The following RNF150 variants were observed in gnomAD, a reference collection of about 807,000 sequenced individuals.
The protein encoded by RNF150 is ring finger protein 150.
In RNF150, 24 loss-of-function variants were observed where a neutral mutation model predicts 39.3. That is an observed-to-expected ratio of 0.61 (90% CI 0.44 to 0.86). The LOEUF (loss-of-function observed/expected upper bound fraction) is 0.86, where lower values mean the gene tolerates loss of function less well. RNF150 is among the 40% of genes least tolerant of loss of function. RNF150 has a pLI of 0.00. For missense variants in RNF150, 502 were observed against 587.8 expected, an observed-to-expected ratio of 0.85 and a Z score of 1.51; for synonymous variants, 255 against 227.3, an observed-to-expected ratio of 1.12 and a Z score of -1.10.
intron 6 of RNF150, among the ~76,000 whole-genome samples, chr4:140,904,704 C>T (rs1376849750): frequency 6.0e-4 from 91 of 152,306 alleles, no homozygotes; most frequent in Non-Finnish European, 5.9e-5. Context: ...GAAGTTTATG[C>T]CAACCCTCCC....
In RNF150 at chr4:140,947,670, G is replaced by A. The variant is rs1732373578; in HGVS notation, c.874C>T (p.Arg292Trp). 1.9e-6 allele frequency: 3 copies of A among 1,610,600 alleles called. No homozygotes were observed. Among genetic ancestry groups the A allele is most frequent in the Non-Finnish European group, 2.5e-6 (3 of 1,178,458 alleles). The change falls in exon 4 of 7, where the codon CGG (arginine) becomes TGG (tryptophan). Residue 292 changes from arginine (R) to tryptophan (W), a missense_variant. Transcript: ENST00000515673. ...IEGYKPNDVV[R>W]ILPCRHLFHK... ...GTGACTCACCGGCAGGGCAGGATCC[G>A]GACAACGTCATTGGGCTTGTACCCT...
At position 141,032,129 on chromosome 4, in the gene RNF150, A is replaced by G. The variant is rs1001974399; in HGVS notation, c.485-64256T>C. On this transcript the variant is annotated intron_variant, in intron 1 of 6. Coordinates refer to ENST00000515673, the MANE Select transcript of RNF150 (RefSeq NM_020724.2). ...CCTTAAAAAAGAAGGAAATTGTGTC[A>G]TTTGTGACAACATACATGAACCTGG... Among the ~76,000 whole-genome samples, 18 of 152,218 alleles carry G rather than the reference A, an allele frequency of 1.2e-4. 1 individual carries two copies. Among genetic ancestry groups the G allele is most frequent in the African/African-American group, 4.3e-4 (18 of 41,558 alleles).
intron 1 of RNF150, among the ~76,000 whole-genome samples, chr4:141,167,787 T>G (rs1219912060): frequency 6.6e-6 from 1 of 152,104 alleles, no homozygotes; most frequent in African/African-American, 2.4e-5. Context: ...TATACAAAAA[T>G]TAACTCAAGA....
At chr4:141,182,184 A>C (rs1316721403) in intron 1 of RNF150, among the ~76,000 whole-genome samples, 1 of 140,902 alleles carries the variant, frequency 7.1e-6, no homozygotes, top group Admixed American at 7.5e-5. Context: ...GTATTTCAAA[A>C]TAATAAGAGC....
intron 3 of RNF150, among the ~76,000 whole-genome samples, 197 bp from the exon 4 acceptor site, chr4:140,947,933 G>C (rs1037714479): frequency 1.3e-5 from 2 of 152,134 alleles, no homozygotes; most frequent in African/African-American, 4.8e-5. Flanking sequence ...AGGTTCCACT[G>C]CAAGTGCTTT....
chr4:140,993,855 T>C (rs1579035312), intron 1 of RNF150, among the ~76,000 whole-genome samples: 1 of 152,104 alleles, frequency 6.6e-6, no homozygotes, highest in South Asian at 2.1e-4. Flanking sequence ...ATGAGAGAGA[T>C]CTTGGGGAGA....
At chr4:140,972,612 A>T (rs1733509078) in intron 1 of RNF150, among the ~76,000 whole-genome samples, 1 of 152,078 alleles carries the variant, frequency 6.6e-6, no homozygotes, top group Non-Finnish European at 1.5e-5. Context: ...GTGGTGTGTG[A>T]TTAGTATTTG....
intron 1 of RNF150, among the ~76,000 whole-genome samples, chr4:141,053,395 C>T (rs1414222464): frequency 6.6e-6 from 1 of 151,958 alleles, no homozygotes; most frequent in African/African-American, 2.4e-5. Context: ...TGGATATTAG[C>T]AAAATCATAA....
At chr4:141,101,740 G>C (rs944261882) in intron 1 of RNF150, among the ~76,000 whole-genome samples, 1 of 151,836 alleles carries the variant, frequency 6.6e-6, no homozygotes, top group Non-Finnish European at 1.5e-5. Context: ...CAGCTACAAC[G>C]TCACCAGGTT....
intron 1 of RNF150, among the ~76,000 whole-genome samples, chr4:141,140,628 C>T (rs1037995103): frequency 1.3e-5 from 2 of 151,498 alleles, no homozygotes; most frequent in Non-Finnish European, 2.9e-5. Flanking sequence ...TGTCCTTTTT[C>T]GCCAAAAAGC....
chr4:141,089,900 T>C (rs1049969048), intron 1 of RNF150, among the ~76,000 whole-genome samples: 2 of 152,226 alleles, frequency 1.3e-5, no homozygotes, highest in Non-Finnish European at 2.9e-5. Flanking sequence ...ATGCTTTTAA[T>C]TAGTAACACA....
intron 2 of RNF150, among the ~76,000 whole-genome samples, chr4:140,953,611 A>C (rs1732624828): frequency 6.6e-6 from 1 of 152,176 alleles, no homozygotes; most frequent in African/African-American, 2.4e-5. Context: ...TTCCATATGC[A>C]TGTAAACAAG....
At chr4:141,000,020 G>GAAAAGAAGAA (rs1331605221) in intron 1 of RNF150, among the ~76,000 whole-genome samples, 18 of 30,632 alleles carry the variant, frequency 5.9e-4, no homozygotes, top group Admixed American at 1.6e-3. Flanking sequence ...AGAAGAAGAA[G>GAAAAGAAGAA]AAGAAGAAGA....
rs541231557 is a variant in RNF150, at chr4:140,859,904, T to C, written c.*8357A>G. 1 of 152,226 alleles carries C rather than the reference T, an allele frequency of 6.6e-6. No individual in the cohort carries two copies. Among genetic ancestry groups the C allele is most frequent in the African/African-American group, 2.4e-5 (1 of 41,546 alleles). 9.4% of individuals were successfully genotyped at this position (152,226 alleles called of 1,614,324 possible). A position where few individuals can be genotyped will look rare whatever the true frequency, so the allele number is the denominator to read the frequency against. The stretch of plus-strand genomic sequence containing the variant: ...CATTTAAAAATCCTTATAGTTGCAA[T>C]ATTTTTTTTTTAGCCAGTACGTAAG... On this transcript the variant is annotated 3_prime_UTR_variant, in exon 7 of 7. Coordinates refer to ENST00000515673, the MANE Select transcript of RNF150 (RefSeq NM_020724.2).
Position 140,911,182 on chromosome 4 carries a change from G to C in RNF150, c.1160C>G (p.Pro387Arg). 6.2e-7 allele frequency: 1 copy of C among 1,614,160 alleles called. No individual in the cohort carries two copies. The change falls in exon 6 of 7, where the codon CCC (proline) becomes CGC (arginine). Residue 387 changes from proline (P) to arginine (R), a missense_variant. Transcript: ENST00000515673. ...GALQVVQDTD[P>R]IPQEGDVIFT... ...GATGACGTCTCCCTCCTGGGGGATG[G>C]GGTCTGTATCCTGGACCACCTGCAA...
At chr4:141,191,929 C>T (rs1031387635) in intron 1 of RNF150, among the ~76,000 whole-genome samples, 3 of 151,934 alleles carry the variant, frequency 2.0e-5, no homozygotes, top group African/African-American at 7.2e-5. Flanking sequence ...CTTTGGGCCA[C>T]TTTGGTGCTC....
At chr4:140,883,550 A>T (rs926050599) in intron 6 of RNF150, among the ~76,000 whole-genome samples, 5 of 152,092 alleles carry the variant, frequency 3.3e-5, no homozygotes, top group African/African-American at 7.2e-5. Context: ...AGTATATAGT[A>T]TTTTTGGTTG....
chr4:141,034,820 G>T (rs750878832), intron 1 of RNF150, among the ~76,000 whole-genome samples: 5 of 152,104 alleles, frequency 3.3e-5, no homozygotes, highest in Non-Finnish European at 2.9e-5. Context: ...GGCATGGTTT[G>T]CAGCACCCCC....
intron 1 of RNF150, among the ~76,000 whole-genome samples, chr4:141,082,888 T>C (rs1402945274): frequency 1.3e-5 from 2 of 152,236 alleles, no homozygotes; most frequent in African/African-American, 4.8e-5. Flanking sequence ...GCTACACTTA[T>C]AAGTATCATG....
Sources: gnomAD v4.1 joint callset for allele counts (sites outside exome capture counted in the v4.1 genomes callset) on GRCh38, gnomAD v4.1.1 for gene constraint, MANE v1.5 for transcripts, NCBI Gene and HGNC (gene_info 2026-07-23, HGNC 2026-07-21) for gene names.